The following CDYL variants were observed in gnomAD, a reference collection of about 807,000 sequenced individuals.
CDYL encodes the protein chromodomain Y-like protein.
In CDYL, 8 loss-of-function variants were observed where a neutral mutation model predicts 47.3. That is an observed-to-expected ratio of 0.17 (90% CI 0.10 to 0.31). The LOEUF (loss-of-function observed/expected upper bound fraction) is 0.31. Among genes scored for constraint, CDYL ranks in the 10% least tolerant of loss-of-function variants. The pLI, the probability that CDYL is intolerant of heterozygous loss-of-function variation, is 1.00. For synonymous variants in CDYL, 266 were observed against 265.0 expected, an observed-to-expected ratio of 1.00 and a Z score of -0.04; for missense variants, 471 against 701.4, an observed-to-expected ratio of 0.67 and a Z score of 3.71.
chr6:4,860,989 T>C (rs1345495762), intron 1 of CDYL, among the ~76,000 whole-genome samples: 1 of 152,230 alleles, frequency 6.6e-6, no homozygotes, highest in Non-Finnish European at 1.5e-5. Context: ...CCAAGATTAA[T>C]ATTTTGTATC....
In CDYL at chr6:4,953,893, T is replaced by C. The variant is rs1023650785; in HGVS notation, c.1477-5T>C. On this transcript the variant is annotated splice_polypyrimidine_tract_variant and splice_region_variant and intron_variant, in intron 6 of 6. Transcript: ENST00000397588. Reference sequence around the variant, plus strand: ...TGCTAACTGGCTGCTTGTTTTCCGGTGCAGGTGCTTGAGGAATCCAAAGCC... The same window carrying C: ...TGCTAACTGGCTGCTTGTTTTCCGGCGCAGGTGCTTGAGGAATCCAAAGCC... 6.2e-7 allele frequency: 1 copy of C among 1,610,024 alleles called. No individual in the cohort carries two copies. The highest frequency in any genetic ancestry group is 1.3e-5 in the African/African-American group (1 of 74,848).
At chr6:4,784,164 T>C (rs1402151008) in intron 1 of CDYL, among the ~76,000 whole-genome samples, 1 of 152,232 alleles carries the variant, frequency 6.6e-6, no homozygotes, top group African/African-American at 2.4e-5. Context: ...AATAATTACA[T>C]TTTTTACTTC....
chr6:4,912,325 C>G (rs942466738), intron 2 of CDYL, among the ~76,000 whole-genome samples: 1 of 152,186 alleles, frequency 6.6e-6, no homozygotes, highest in African/African-American at 2.4e-5. Context: ...TAGGATAACA[C>G]GGCCGCTTCT....
intron 2 of CDYL, among the ~76,000 whole-genome samples, chr6:4,901,538 C>T (rs1757053822): frequency 6.6e-6 from 1 of 152,118 alleles, no homozygotes; most frequent in African/African-American, 2.4e-5. Context: ...TTCAGAGAAT[C>T]CTTGTTTTAC....
chr6:4,755,060 T>C (rs913757829), intron 3 of CDYL, among the ~76,000 whole-genome samples: 1 of 152,020 alleles, frequency 6.6e-6, no homozygotes, highest in African/African-American at 2.4e-5. Flanking sequence ...TTTTTTGTTT[T>C]GTTTTGTTTT....
rs114006196 is a variant in CDYL at position 4,891,239 on chromosome 6, A to G, written c.25-474A>G. On this transcript the variant is annotated intron_variant, in intron 1 of 6. Coordinates refer to ENST00000397588, the MANE Select transcript of CDYL (RefSeq NM_004824.4). ...AGTGCTTCTGAATGATACTTGTGAT[A>G]CAGATCATATGTTTCTTTGATGGCA... is the stretch of plus-strand genomic sequence containing the variant. 1.8e-3 allele frequency among the ~76,000 whole-genome samples: 275 copies of G among 152,322 alleles called. 1 individual carries two copies. The highest frequency in any genetic ancestry group is 6.5e-3 in the African/African-American group (269 of 41,562).
intron 2 of CDYL, among the ~76,000 whole-genome samples, chr6:4,926,511 T>C (rs1356275561): frequency 6.6e-6 from 1 of 152,196 alleles, no homozygotes; most frequent in East Asian, 1.9e-4. Context: ...ACTTGCTAAC[T>C]CTTGATTAGA....
At chr6:4,754,309 T>G (rs1313940996) in intron 3 of CDYL, among the ~76,000 whole-genome samples, 5 of 152,248 alleles carry the variant, frequency 3.3e-5, no homozygotes, top group Non-Finnish European at 5.9e-5. Flanking sequence ...AAGTCATGAA[T>G]GCAAACCAAT....
chr6:4,770,322 C>T (rs1337470048), intron 3 of CDYL, among the ~76,000 whole-genome samples: 1 of 152,054 alleles, frequency 6.6e-6, no homozygotes, highest in Non-Finnish European at 1.5e-5. Flanking sequence ...GTTACCTGGA[C>T]CTGATGAAGT....
intron 3 of CDYL, among the ~76,000 whole-genome samples, chr6:4,756,573 C>CGTGTGTCTGTGTGTGTCTGTGT (rs1228739911): frequency 4.0e-5 from 5 of 125,280 alleles, no homozygotes; most frequent in African/African-American, 2.0e-4. Context: ...TTAAAATTAT[C>CGTGTGTCTGTGTGTGTCTGTGT]GTGTGTATGT....
intron 3 of CDYL, among the ~76,000 whole-genome samples, chr6:4,752,164 A>T (rs962453236): frequency 6.6e-6 from 1 of 152,140 alleles, no homozygotes; most frequent in African/African-American, 2.4e-5. Context: ...TTCGCAGCAT[A>T]TCCTGGGTGG....
rs35686534 is a variant in CDYL at position 4,752,836 on chromosome 6, A to ATGTGTGTGTGTGTGTGTGTGTGTGTGTG, written c.186+18013_186+18014insGTGTGTGTGTGTGTGTGTGTGTGTGTGT. Among the ~76,000 whole-genome samples, 60 of 148,850 alleles carry ATGTGTGTGTGTGTGTGTGTGTGTGTGTG rather than the reference A, an allele frequency of 4.0e-4. 2 individuals are homozygous for ATGTGTGTGTGTGTGTGTGTGTGTGTGTG. In the East Asian group the frequency reaches 7.1e-3, roughly 18 times the overall value. On this transcript the variant is annotated intron_variant, in intron 3 of 8. Coordinates refer to the CDYL transcript ENST00000328908. ...TCTTTCATGTCTGCAAAGGAAAATA[A>ATGTGTGTGTGTGTGTGTGTGTGTGTGTG]TGTGTGTGTGTGTGTGTGTGTTTGT...
intron 1 of CDYL, among the ~76,000 whole-genome samples, chr6:4,707,872 ACAAATT>A (rs752271766): frequency 1.4e-4 from 21 of 152,180 alleles, no homozygotes; most frequent in Non-Finnish European, 1.2e-4. Context: ...TTAGATGTGT[ACAAATT>A]CAATCATGTA....
chr6:4,925,666 T>G (rs1425428554), intron 2 of CDYL, among the ~76,000 whole-genome samples: 1 of 152,098 alleles, frequency 6.6e-6, no homozygotes, highest in Non-Finnish European at 1.5e-5. Flanking sequence ...TCCGCCCACC[T>G]CGGCCTCCTA....
At chr6:4,897,279 T>C (rs1762311971) in intron 2 of CDYL, among the ~76,000 whole-genome samples, 1 of 152,228 alleles carries the variant, frequency 6.6e-6, no homozygotes, top group Non-Finnish European at 1.5e-5. Flanking sequence ...ATCAGTGTTG[T>C]GACATAGGGT....
chr6:4,884,925 C>T (rs1761861621), intron 1 of CDYL, among the ~76,000 whole-genome samples: 1 of 152,164 alleles, frequency 6.6e-6, no homozygotes. Context: ...CTTTCACTTT[C>T]CACAGTTTCA....
rs535281095 is a variant in CDYL at position 4,819,911 on chromosome 6, G to C, written c.24+43104G>C. 1.4e-4 allele frequency among the ~76,000 whole-genome samples: 21 copies of C among 152,306 alleles called. No individual in the cohort carries two copies. The East Asian group carries it at 4.1e-3, about 29-fold the overall frequency. ...CAGATGCCAGTAGTGCTGAAGTCAA[G>C]AAACCCTGTGTTATGAGAATGTACC... On this transcript the variant is annotated intron_variant, in intron 1 of 6. Coordinates refer to ENST00000397588, the MANE Select transcript of CDYL (RefSeq NM_004824.4).
intron 1 of CDYL, among the ~76,000 whole-genome samples, chr6:4,800,247 G>C (rs1262750291): frequency 6.6e-6 from 1 of 151,946 alleles, no homozygotes; most frequent in Non-Finnish European, 1.5e-5. Flanking sequence ...TGCTGATTTT[G>C]TGTTAACCAA....
intron 1 of CDYL, among the ~76,000 whole-genome samples, chr6:4,853,960 A>C (rs1760928943): frequency 6.6e-6 from 1 of 152,226 alleles, no homozygotes; most frequent in African/African-American, 2.4e-5. Flanking sequence ...CCCGAAATTC[A>C]GCACAGATGG....
Sources: allele counts gnomAD v4.1 joint callset (sites outside exome capture counted in the v4.1 genomes callset), GRCh38; gene constraint gnomAD v4.1.1; transcripts MANE v1.5; gene names NCBI Gene and HGNC (gene_info 2026-07-23, HGNC 2026-07-21).